Variants in RSU1 observed in about 807,000 individuals in gnomAD.
The protein encoded by RSU1 is rsu-1.
A neutral mutation model predicts 31.1 loss-of-function variants in RSU1; 26 were observed. The ratio of observed to expected loss-of-function variants is 0.84; its 90% confidence interval spans 0.61 to 1.16. The LOEUF (loss-of-function observed/expected upper bound fraction) is 1.16, where lower values mean the gene tolerates loss of function less well. RSU1 is among the 50% of genes most tolerant of loss of function. RSU1 has a pLI of 0.00. For missense variants in RSU1, 320 were observed against 339.1 expected (o/e 0.94, Z 0.44); for synonymous variants, 164 against 136.3 (o/e 1.20, Z -1.41).
At chr10:16,635,346 T>C (rs1308493980) in intron 8 of RSU1, among the ~76,000 whole-genome samples, 1 of 152,206 alleles carries the variant, frequency 6.6e-6, no homozygotes, top group African/African-American at 2.4e-5. Flanking sequence ...TCCTTTCCTC[T>C]CTCTGCAAAA....
At chr10:16,758,932 T>C (rs1837150183) in intron 4 of RSU1, among the ~76,000 whole-genome samples, 1 of 152,156 alleles carries the variant, frequency 6.6e-6, no homozygotes, top group South Asian at 2.1e-4. Flanking sequence ...TTTGTTTGCA[T>C]GGGAAGATTT....
chr10:16,816,399 A>G (rs1164865384), intron 2 of RSU1, among the ~76,000 whole-genome samples: 1 of 152,202 alleles, frequency 6.6e-6, no homozygotes, highest in African/African-American at 2.4e-5. Context: ...TTACAGGAAA[A>G]TGACACTGAA....
chr10:16,642,593 G>A (rs1834464839), intron 8 of RSU1, among the ~76,000 whole-genome samples: 1 of 152,084 alleles, frequency 6.6e-6, no homozygotes, highest in African/African-American at 2.4e-5. Flanking sequence ...CATCATGCTT[G>A]GCGTTATGTA....
chr10:16,641,579 T>A (rs1834443451), intron 8 of RSU1, among the ~76,000 whole-genome samples: 1 of 152,118 alleles, frequency 6.6e-6, no homozygotes, highest in Non-Finnish European at 1.5e-5. Context: ...ACATCTTTAT[T>A]AGGACAAGCA....
intron 8 of RSU1, among the ~76,000 whole-genome samples, chr10:16,596,986 G>A (rs1240147852): frequency 1.3e-5 from 2 of 152,228 alleles, no homozygotes; most frequent in African/African-American, 4.8e-5. Context: ...GAAAGGCTGG[G>A]ATTACAGGCG....
chr10:16,795,343 G>C, intron 2 of RSU1, among the ~76,000 whole-genome samples: 1 of 111,482 alleles, frequency 9.0e-6, no homozygotes, highest in Non-Finnish European at 1.6e-5. Flanking sequence ...GACAGAGTGA[G>C]ACTCCATCTC....
chr10:16,791,763 A>G (rs902921969), intron 2 of RSU1, among the ~76,000 whole-genome samples: 1 of 152,236 alleles, frequency 6.6e-6, no homozygotes, highest in Non-Finnish European at 1.5e-5. Context: ...TCTTCAGGAT[A>G]AAGTAGACAA....
chr10:16,660,645 C>CTTTTTTTTTTTTTT (rs796601054), intron 8 of RSU1, among the ~76,000 whole-genome samples: 5 of 79,542 alleles, frequency 6.3e-5, no homozygotes, highest in Admixed American at 1.8e-4. Flanking sequence ...CTTGAACTCT[C>CTTTTTTTTTTTTTT]TTTTTTTTTT....
chr10:16,645,884 ATACATATATG>A lies in RSU1; in HGVS notation c.731+49129_731+49138del, dbSNP rs1834533720. On this transcript the variant is annotated intron_variant, in intron 8 of 8. Transcript: ENST00000345264. Reference sequence around the variant, plus strand: ...TACGTATATATACATATATGTGTATATACATATATGTATATACACATATATGTATATATAT... The same window carrying A: ...TACGTATATATACATATATGTGTATATATATACACATATATGTATATATAT... 1.8e-5 allele frequency among the ~76,000 whole-genome samples: 2 copies of A among 108,522 alleles called. 1 individual carries two copies. The highest frequency in any genetic ancestry group is 6.4e-4 in the South Asian group (2 of 3,140). The allele number at this position is 108,522 out of a possible 152,430, so 71.2% of individuals were successfully genotyped here.
chr10:16,816,814 T>C (rs1838543372), intron 2 of RSU1, among the ~76,000 whole-genome samples, 159 bp downstream of exon 2: 1 of 152,238 alleles, frequency 6.6e-6, no homozygotes, highest in Non-Finnish European at 1.5e-5. Flanking sequence ...GAACAAATCC[T>C]ACTGCAAACC....
chr10:16,723,701 C>T (rs929938067), intron 7 of RSU1, among the ~76,000 whole-genome samples: 14 of 152,132 alleles, frequency 9.2e-5, no homozygotes, highest in African/African-American at 3.4e-4. Flanking sequence ...TGGCAGGTGT[C>T]AGGGCTAACA....
chr10:16,694,859 G>A (rs1835640432), intron 8 of RSU1, among the ~76,000 whole-genome samples, 164 bp downstream of exon 8: 1 of 152,088 alleles, frequency 6.6e-6, no homozygotes, highest in Admixed American at 6.6e-5. Context: ...TTACAGCTGT[G>A]AGCCACACCA....
At chr10:16,594,864 A>G (rs1015758369) in intron 8 of RSU1, among the ~76,000 whole-genome samples, 2 of 146,494 alleles carry the variant, frequency 1.4e-5, no homozygotes, top group African/African-American at 5.1e-5. Flanking sequence ...GGCTCACTGC[A>G]ACCTCTGCCT....
intron 7 of RSU1, among the ~76,000 whole-genome samples, chr10:16,737,783 G>C (rs1179241855): frequency 6.6e-6 from 1 of 151,572 alleles, no homozygotes; most frequent in Non-Finnish European, 1.5e-5. Context: ...ATTACTGGGA[G>C]TTATAACATA....
At chr10:16,609,982 T>C (rs1289400292) in intron 8 of RSU1, among the ~76,000 whole-genome samples, 1 of 152,204 alleles carries the variant, frequency 6.6e-6, no homozygotes, top group Non-Finnish European at 1.5e-5. Flanking sequence ...ATAGCTGCAT[T>C]ATAAAAGTAA....
At chr10:16,674,874 A>C in intron 8 of RSU1, among the ~76,000 whole-genome samples, 1 of 151,862 alleles carries the variant, frequency 6.6e-6, no homozygotes, top group African/African-American at 2.4e-5. Flanking sequence ...CTCTACTAAA[A>C]ATACAAAGAT....
chr10:16,814,569 GTGAGC>G (rs1446619566), intron 2 of RSU1, among the ~76,000 whole-genome samples: 11 of 151,958 alleles, frequency 7.2e-5, no homozygotes, highest in African/African-American at 2.7e-4. Context: ...CTGCTGAGAA[GTGAGC>G]CCTGGTGGAG....
intron 8 of RSU1, among the ~76,000 whole-genome samples, chr10:16,643,004 TG>T (rs1414621397): frequency 6.6e-6 from 1 of 152,262 alleles, no homozygotes; most frequent in Non-Finnish European, 1.5e-5. Flanking sequence ...AAGTGTTTAC[TG>T]CTTACTTTAC....
In RSU1 at chr10:16,689,012, G is replaced by GAA. The variant is rs34750489; in HGVS notation, c.731+6009_731+6010dup. 5.3e-3 allele frequency among the ~76,000 whole-genome samples: 658 copies of GAA among 123,338 alleles called. 4 individuals are homozygous for GAA. Among genetic ancestry groups the GAA allele is most frequent in the African/African-American group, 0.017 (554 of 33,212 alleles). 80.9% of individuals were successfully genotyped at this position (123,338 alleles called of 152,430 possible). On this transcript the variant is annotated intron_variant, in intron 8 of 8. Coordinates refer to ENST00000345264, the MANE Select transcript of RSU1 (RefSeq NM_012425.4). Reference sequence around the variant, plus strand: ...GACAAAGTGATACTGTGTCCCTAAGGAAAAAAAAAAAAAGCTTTAAAGAAA... The same window carrying GAA: ...GACAAAGTGATACTGTGTCCCTAAGGAAAAAAAAAAAAAAAGCTTTAAAGAAA...
Sources: gnomAD v4.1 joint callset for allele counts (sites outside exome capture counted in the v4.1 genomes callset) on GRCh38, gnomAD v4.1.1 for gene constraint, MANE v1.5 for transcripts, NCBI Gene and HGNC (gene_info 2026-07-23, HGNC 2026-07-21) for gene names.